The following GRIN2A variants were observed in gnomAD, a reference collection of about 807,000 sequenced individuals.
GRIN2A encodes glutamate receptor ionotropic, NMDA 2A.
Under a neutral mutation model 113.4 loss-of-function variants are expected in GRIN2A, and 22 were observed. The observed-to-expected ratio is 0.19, with a 90% CI of 0.14 to 0.28. GRIN2A has a LOEUF of 0.28. GRIN2A is among the 10% of genes least tolerant of loss of function. The probability of loss-of-function intolerance (pLI) is 1.00; values close to 1 mark genes in which losing one functional copy is unlikely to be tolerated. For missense variants in GRIN2A, 1,502 were observed against 1,887.0 expected (o/e 0.80, Z 3.78); for synonymous variants, 827 against 738.4 (o/e 1.12, Z -1.94).
At chr16:9,879,876 G>A (rs2043443015) in intron 4 of GRIN2A, among the ~76,000 whole-genome samples, 1 of 152,152 alleles carries the variant, frequency 6.6e-6, no homozygotes, top group South Asian at 2.1e-4. Context: ...CTCATCTCAA[G>A]CTCTTCAATA....
intron 2 of GRIN2A, among the ~76,000 whole-genome samples, chr16:10,120,133 T>A (rs1486424104): frequency 6.6e-6 from 1 of 152,340 alleles, no homozygotes. Flanking sequence ...AATTCTGTTT[T>A]AAGTTCTTTT....
intron 2 of GRIN2A, among the ~76,000 whole-genome samples, chr16:10,099,202 A>G (rs1309662355): frequency 6.6e-6 from 1 of 152,182 alleles, no homozygotes; most frequent in Non-Finnish European, 1.5e-5. Context: ...CTGCAAAACC[A>G]TTATGAAAAT....
intron 2 of GRIN2A, among the ~76,000 whole-genome samples, chr16:10,006,573 C>T (rs764181533): frequency 6.6e-6 from 1 of 152,098 alleles, no homozygotes; most frequent in Non-Finnish European, 1.5e-5. Context: ...GCATAATAAT[C>T]GCATCAGGGT....
At chr16:10,038,565 CA>C (rs1177699442) in intron 2 of GRIN2A, among the ~76,000 whole-genome samples, 1 of 151,940 alleles carries the variant, frequency 6.6e-6, no homozygotes, top group East Asian at 1.9e-4. Flanking sequence ...TATTGCCGGC[CA>C]GGCGCGGTGG....
intron 3 of GRIN2A, among the ~76,000 whole-genome samples, chr16:9,897,076 G>A (rs2043821197): frequency 6.6e-6 from 1 of 152,100 alleles, no homozygotes. Flanking sequence ...AAGCATGCTG[G>A]CAAATAGAGA....
intron 10 of GRIN2A, among the ~76,000 whole-genome samples, chr16:9,810,554 A>T (rs531724686): frequency 7.3e-4 from 111 of 152,270 alleles, no homozygotes; most frequent in African/African-American, 2.4e-3. Context: ...GAAGAAGAGG[A>T]GACATACCAA....
intron 11 of GRIN2A, among the ~76,000 whole-genome samples, chr16:9,774,829 C>T (rs928979913): frequency 2.0e-5 from 3 of 152,278 alleles, no homozygotes; most frequent in South Asian, 2.1e-4. Flanking sequence ...TTATTATTGC[C>T]TGAAATCAGG....
chr16:9,852,621 G>A (rs1176637628), intron 4 of GRIN2A, among the ~76,000 whole-genome samples: 1 of 152,120 alleles, frequency 6.6e-6, no homozygotes, highest in Non-Finnish European at 1.5e-5. Context: ...ACTCGATCAG[G>A]AGCTGAAGCT....
intron 3 of GRIN2A, among the ~76,000 whole-genome samples, chr16:9,934,414 C>T (rs1435311488): frequency 6.6e-6 from 1 of 152,086 alleles, no homozygotes; most frequent in Non-Finnish European, 1.5e-5. Context: ...GGTGTGGTGG[C>T]TCATGCCTGT....
At chr16:10,083,589 C>T (rs2048026070) in intron 2 of GRIN2A, among the ~76,000 whole-genome samples, 1 of 152,198 alleles carries the variant, frequency 6.6e-6, no homozygotes, top group African/African-American at 2.4e-5. Context: ...CTGGACTGAA[C>T]TTACCAAACA....
chr16:9,902,933 T>G (rs1445833370), intron 3 of GRIN2A, among the ~76,000 whole-genome samples: 15 of 137,864 alleles, frequency 1.1e-4, no homozygotes, highest in Non-Finnish European at 2.2e-4. Context: ...TTCCTTCTCT[T>G]GGTTCTGTTT....
chr16:10,179,892 C>CCCCCAAAAAAAAAAAAAA, intron 2 of GRIN2A, 106 bp downstream of exon 2: 1 of 721,358 alleles, frequency 1.4e-6, no homozygotes, highest in Non-Finnish European at 2.4e-6. Flanking sequence ...ACCCCCACCC[C>CCCCCAAAAAAAAAAAAAA]CACTTCACAT....
At chr16:10,126,020 C>G (rs1435410734) in intron 2 of GRIN2A, among the ~76,000 whole-genome samples, 1 of 152,074 alleles carries the variant, frequency 6.6e-6, no homozygotes, top group African/African-American at 2.4e-5. Context: ...CCTGCCTTCA[C>G]CAGAATGAAG....
chr16:9,758,993 A>G lies in GRIN2A; in HGVS notation c.*4156T>C. ...AACTTCTTTTTCTTTGAGTCCAATC[A>G]TGTCTACTATAGCCATGGTTAATAC... On this transcript the variant is annotated 3_prime_UTR_variant, in exon 13 of 13. Coordinates refer to ENST00000330684, the MANE Select transcript of GRIN2A (RefSeq NM_001134407.3). 1 of 221,928 alleles carries G rather than the reference A, an allele frequency of 4.5e-6. No homozygotes were observed. Among genetic ancestry groups the G allele is most frequent in the Non-Finnish European group, 9.0e-6 (1 of 110,938 alleles). 13.7% of individuals were successfully genotyped at this position (221,928 alleles called of 1,614,324 possible).
At chr16:9,771,379 GTTTTAA>G (rs1031087529) in intron 11 of GRIN2A, among the ~76,000 whole-genome samples, 14 of 151,044 alleles carry the variant, frequency 9.3e-5, no homozygotes, top group Non-Finnish European at 1.9e-4. Context: ...TTAGCTTTAT[GTTTTAA>G]TTTTATTTAT....
intron 2 of GRIN2A, among the ~76,000 whole-genome samples, chr16:10,143,965 C>CA (rs969157306): frequency 7.3e-4 from 110 of 151,294 alleles, no homozygotes; most frequent in African/African-American, 2.1e-3. Flanking sequence ...GACTCTGTCT[C>CA]AAAAAAAAAT....
intron 11 of GRIN2A, among the ~76,000 whole-genome samples, chr16:9,787,351 A>G (rs1176082609): frequency 6.6e-6 from 1 of 152,160 alleles, no homozygotes; most frequent in African/African-American, 2.4e-5. Context: ...CTTTCAACCA[A>G]TTGCAAATCA....
intron 2 of GRIN2A, among the ~76,000 whole-genome samples, chr16:10,162,708 C>T (rs2049829054): frequency 6.6e-6 from 1 of 152,194 alleles, no homozygotes; most frequent in African/African-American, 2.4e-5. Flanking sequence ...CAAAGTGTCA[C>T]ATTCAGAGAT....
At chr16:10,167,038 G>C (rs1454327651) in intron 2 of GRIN2A, among the ~76,000 whole-genome samples, 3 of 152,198 alleles carry the variant, frequency 2.0e-5, no homozygotes, top group Non-Finnish European at 2.9e-5. Flanking sequence ...GTGGGCTATA[G>C]TTTATGGGAA....
Sources: gnomAD v4.1 joint callset for allele counts (sites outside exome capture counted in the v4.1 genomes callset) on GRCh38, gnomAD v4.1.1 for gene constraint, MANE v1.5 for transcripts, NCBI Gene and HGNC (gene_info 2026-07-23, HGNC 2026-07-21) for gene names.